CIMAP2: variants seen among roughly 807,000 people sequenced by gnomAD.
CIMAP2 encodes the protein ciliary microtubule associated protein 2.
chr1:54,833,478 A>C, the CIMAP2 span, among the ~76,000 whole-genome samples: 1 of 152,268 alleles, frequency 6.6e-6, no homozygotes, highest in East Asian at 1.9e-4. Flanking sequence ...GCTACAGCTA[A>C]TCTTTCTCAC....
At chr1:54,836,549 TTGA>T in the CIMAP2 span, among the ~76,000 whole-genome samples, 99 of 151,462 alleles carry the variant, frequency 6.5e-4, 1 homozygote, top group Middle Eastern at 3.4e-3. Context: ...GAGAAAAAAG[TTGA>T]TGATTTAATT....
At chr1:54,831,363 A>T in the CIMAP2 span, among the ~76,000 whole-genome samples, 2 of 152,320 alleles carry the variant, frequency 1.3e-5, no homozygotes, top group South Asian at 4.1e-4. Flanking sequence ...AGCTTAAGAA[A>T]GGGGAAGACA....
the CIMAP2 span, among the ~76,000 whole-genome samples, chr1:54,818,755 C>A: frequency 1.1e-5 from 1 of 91,218 alleles, no homozygotes; most frequent in Non-Finnish European, 2.7e-5. Flanking sequence ...CCACACCCGG[C>A]TAATTTTTGT....
chr1:54,816,853 T>C, the CIMAP2 span: 143 of 1,233,370 alleles, frequency 1.2e-4, 1 homozygote, highest in African/African-American at 2.0e-3. Context: ...GGTTGGGACC[T>C]CAACATATCT....
chr1:54,808,089 TATCC>T, the CIMAP2 span: 1 of 1,426,034 alleles, frequency 7.0e-7, no homozygotes, highest in Non-Finnish European at 9.3e-7. Context: ...TTCACTTACA[TATCC>T]ATCCAGCCAG....
chr1:54,807,060 T>C, the CIMAP2 span: 1 of 1,614,030 alleles, frequency 6.2e-7, no homozygotes, highest in South Asian at 1.1e-5. Context: ...GGCCCCATAC[T>C]CCACGCGTTA....
the CIMAP2 span, chr1:54,813,673 CCGGCCTCCGGCCT>C: frequency 3.3e-3 from 1 of 302 alleles, no homozygotes; most frequent in Non-Finnish European, 4.2e-3. Context: ...TGAGGCTGGC[CCGGCCTCCGGCCT>C]CCGGGATGTC....
the CIMAP2 span, chr1:54,815,170 G>A: frequency 7.4e-7 from 1 of 1,354,042 alleles, no homozygotes; most frequent in Non-Finnish European, 1.0e-6. Flanking sequence ...TTCCCCAAGG[G>A]ACCTGAGGTC....
At chr1:54,812,042 C>T in the CIMAP2 span, 2 of 1,614,156 alleles carry the variant, frequency 1.2e-6, no homozygotes, top group Non-Finnish European at 1.7e-6. Flanking sequence ...CTGCTGTGCT[C>T]TAGGGGAGTG....
the CIMAP2 span, chr1:54,807,523 C>G: frequency 2.0e-6 from 3 of 1,537,568 alleles, no homozygotes; most frequent in South Asian, 3.8e-5. Context: ...CACTCTGACT[C>G]AGTCCCACAT....
chr1:54,841,613 TAGAATC>T, the CIMAP2 span: 5 of 1,614,220 alleles, frequency 3.1e-6, no homozygotes, highest in Non-Finnish European at 4.2e-6. Flanking sequence ...ATCCCATCCT[TAGAATC>T]AGGCTGTTTT....
At chr1:54,814,843 TCACC>T in the CIMAP2 span, 1 of 1,600,168 alleles carries the variant, frequency 6.2e-7, no homozygotes, top group Non-Finnish European at 8.5e-7. Context: ...GCCAGAGCCC[TCACC>T]TGCCCTGGGC....
the CIMAP2 span, among the ~76,000 whole-genome samples, chr1:54,823,769 T>G: frequency 6.6e-6 from 1 of 152,246 alleles, no homozygotes; most frequent in Admixed American, 6.5e-5. Context: ...TATGTTTTCA[T>G]GATTGTAGAT....
At chr1:54,812,007 A>G in the CIMAP2 span, 1 of 1,613,866 alleles carries the variant, frequency 6.2e-7, no homozygotes, top group Non-Finnish European at 8.5e-7. Context: ...GGGGAAGCTG[A>G]GCTCTCCTGC....
the CIMAP2 span, among the ~76,000 whole-genome samples, chr1:54,818,198 T>C: frequency 2.0e-5 from 3 of 152,204 alleles, no homozygotes; most frequent in Non-Finnish European, 4.4e-5. Context: ...GTCTGTTTCA[T>C]CCTTTGTGCT....
At chr1:54,809,763 C>A in the CIMAP2 span, among the ~76,000 whole-genome samples, 7 of 152,118 alleles carry the variant, frequency 4.6e-5, no homozygotes, top group East Asian at 1.4e-3. Context: ...GGCAGGGGAG[C>A]TAGGGGGACA....
the CIMAP2 span, chr1:54,806,209 G>C: frequency 6.5e-7 from 1 of 1,538,208 alleles, no homozygotes; most frequent in Admixed American, 2.0e-5. Context: ...CCTTCGGGGT[G>C]CAGAGCCACA....
chr1:54,808,197 C>G, the CIMAP2 span, among the ~76,000 whole-genome samples: 2 of 152,208 alleles, frequency 1.3e-5, no homozygotes, highest in Non-Finnish European at 2.9e-5. Context: ...TCCCTGCTCT[C>G]ATGAAGTAGA....
chr1:54,815,058 A>C, the CIMAP2 span: 1 of 1,613,364 alleles, frequency 6.2e-7, no homozygotes, highest in Non-Finnish European at 8.5e-7. Context: ...GTCTGGGGTG[A>C]GGGATACATG....
Sources: gnomAD v4.1 joint callset for allele counts (sites outside exome capture counted in the v4.1 genomes callset) on GRCh38, gnomAD v4.1.1 for gene constraint, MANE v1.5 for transcripts, NCBI Gene and HGNC (gene_info 2026-07-23, HGNC 2026-07-21) for gene names.